The following CCL21 variants were observed in gnomAD, a reference collection of about 807,000 sequenced individuals.
CCL21 encodes C-C motif chemokine 21.
Under a neutral mutation model 16.4 loss-of-function variants are expected in CCL21, and 12 were observed. The observed-to-expected ratio is 0.73, with a 90% CI of 0.47 to 1.18. CCL21 has a LOEUF of 1.18. Among genes scored for constraint, CCL21 ranks in the 50% most tolerant of loss-of-function variants. The pLI, the probability that CCL21 is intolerant of heterozygous loss-of-function variation, is 0.00. For missense variants in CCL21, 155 were observed against 163.8 expected, an observed-to-expected ratio of 0.95 and a Z score of 0.29; for synonymous variants, 64 against 62.1, an observed-to-expected ratio of 1.03 and a Z score of -0.15.
rs766751281 is a variant in CCL21 at position 34,710,045 on chromosome 9, T to C, written c.22A>G (p.Ser8Gly). 1.2e-6 allele frequency: 2 copies of C among 1,613,936 alleles called. No homozygotes were observed. The highest frequency in any genetic ancestry group is 2.2e-5 in the South Asian group (2 of 91,040). The change falls in exon 1 of 4, where the codon AGC (serine) becomes GGC (glycine). Residue 8 changes from serine (S) to glycine (G), a missense_variant. Coordinates refer to ENST00000259607, the MANE Select transcript of CCL21 (RefSeq NM_002989.4). ...AAGGCCAGAACCAGGATAAGGAGGC[T>C]CAGAGCCAGTGACTGAGCCATGTCT... Reference protein sequence around the residue: MAQSLALSLLILVLAFGI... With the variant: MAQSLALGLLILVLAFGI...
At position 34,709,780 on chromosome 9, in the gene CCL21, A is replaced by T. The variant is rs1170851787; in HGVS notation, c.185T>A (p.Ile62Asn). The change falls in exon 2 of 4, where the codon ATC (isoleucine) becomes AAC (asparagine). Residue 62 changes from isoleucine to asparagine, a missense_variant. Ile to Asn is a moderately radical substitution (Grantham distance 149, BLOSUM62 -3). Coordinates refer to ENST00000259607, the MANE Select transcript of CCL21 (RefSeq NM_002989.4). ...EPSLGCSIPAILFLPRKRSQA... is the reference protein window; with the variant it reads ...EPSLGCSIPANLFLPRKRSQA... ...CCACCCCTTTGTGTCCACTCACAGG[A>T]TAGCTGGGATGGAGCAGCCTAAGCT... is the stretch of plus-strand genomic sequence containing the variant. 6.2e-7 allele frequency: 1 copy of T among 1,612,978 alleles called. No homozygotes were observed.
Position 34,709,576 on chromosome 9 carries a change from G to T in CCL21, c.295C>A (p.Pro99Thr). Reference protein sequence around the residue: ...HLDKTPSPQKPAQGCRKDRGA... With the variant: ...HLDKTPSPQKTAQGCRKDRGA... ...CTGTCCTTCCTGCAGCCCTGGGCTG[G>T]TTTCTGTGGGGATGGTGTCTTGTCC... Residue 99 changes from proline (P) to threonine (T), a missense_variant, in exon 3 of 4, where the codon CCA becomes ACA. By Grantham distance (38) the Pro-to-Thr change is conservative. Transcript: ENST00000259607. 1 of 1,614,164 alleles carries T rather than the reference G, an allele frequency of 6.2e-7. No homozygotes were observed. Among genetic ancestry groups the T allele is most frequent in the Non-Finnish European group, 8.5e-7 (1 of 1,180,020 alleles).
chr9:34,709,721 A>G (rs1375225122), intron 2 of CCL21, 39 bp from the exon 3 acceptor site: 6 of 1,613,376 alleles, frequency 3.7e-6, no homozygotes, highest in South Asian at 1.1e-5. Flanking sequence ...AGTCTTGCCC[A>G]CCATGCCCTC....
At position 34,709,644 on chromosome 9, in the gene CCL21, G is replaced by A. The variant is rs956153540; in HGVS notation, c.227C>T (p.Ala76Val). 1 of 1,614,056 alleles carries A rather than the reference G, an allele frequency of 6.2e-7. No homozygotes were observed. Among genetic ancestry groups the A allele is most frequent in the African/African-American group, 1.3e-5 (1 of 74,918 alleles). The part of the protein sequence containing the change: ...PRKRSQAELC[A>V]DPKELWVQQL... ...CTGCACCCAGAGCTCCTTTGGGTCT[G>A]CACATAGCTCTGCCTGAGAGCGCTT... The change falls in exon 3 of 4, where the codon GCA becomes GTA. Residue 76 changes from alanine (A) to valine (V), a missense_variant. Physicochemically the swap from Ala to Val is moderately conservative, Grantham distance 64. Coordinates refer to ENST00000259607, the MANE Select transcript of CCL21 (RefSeq NM_002989.4).
At position 34,709,671 on chromosome 9, in the gene CCL21, C is replaced by T. The variant is rs34598986; in HGVS notation, c.200G>A (p.Arg67His). ...CSIPAILFLP[R>H]KRSQAELCAD... ...ACATAGCTCTGCCTGAGAGCGCTTG[C>T]GGGGCAAGAACCTGCGGGTGGGGGC... The change falls in exon 3 of 4, where the codon CGC becomes CAC. Residue 67 changes from arginine (R) to histidine (H), a missense_variant. By Grantham distance (29) the Arg-to-His change is conservative (BLOSUM62 0). Coordinates refer to ENST00000259607, the MANE Select transcript of CCL21 (RefSeq NM_002989.4). 19 of 1,613,976 alleles carry T rather than the reference C, an allele frequency of 1.2e-5. No individual in the cohort carries two copies. The highest frequency in any genetic ancestry group is 8.0e-5 in the African/African-American group (6 of 75,046).
At position 34,709,475 on chromosome 9, in the gene CCL21, T is replaced by C. The variant is rs758092064; in HGVS notation, c.371+25A>G. 1.9e-6 allele frequency: 3 copies of C among 1,613,734 alleles called. No homozygotes were observed. In the African/African-American group the frequency reaches 4.0e-5, roughly 22 times the overall value. On this transcript the variant is annotated intron_variant, in intron 3 of 3. Coordinates refer to ENST00000259607, the MANE Select transcript of CCL21 (RefSeq NM_002989.4). ...TGAGGGGCTGACTGAGGCTCCCCTT[T>C]ACCCACATCCCTCAGATTCCTCACC...
Position 34,709,346 on chromosome 9 carries a change from C to A in CCL21, c.*48G>T. On this transcript the variant is annotated 3_prime_UTR_variant, in exon 4 of 4. Transcript: ENST00000259607. ...TTGCATCTTGGGTTCAGGCTTCAAG[C>A]GCTGGTGAGGCTGGTGGGGTCTCCA... 6.3e-7 allele frequency: 1 copy of A among 1,599,922 alleles called. No homozygotes were observed. The highest frequency in any genetic ancestry group is 8.5e-7 in the Non-Finnish European group (1 of 1,175,754).
Position 34,710,055 on chromosome 9 carries a change from TGACTGAGCCATGTCTG to T in CCL21, c.-5_11del. ...CCAGGATAAGGAGGCTCAGAGCCAG[TGACTGAGCCATGTCTG>T]TGGTAGAGGGTGAGTAAGAGGCCAG... is the stretch of plus-strand genomic sequence containing the variant. On this transcript the variant is annotated start_lost and 5_prime_UTR_variant, in exon 1 of 4. Transcript: ENST00000259607. 6.2e-7 allele frequency: 1 copy of T among 1,613,692 alleles called. No homozygotes were observed. Among genetic ancestry groups the T allele is most frequent in the African/African-American group, 1.3e-5 (1 of 75,038 alleles).
rs766561697 is a variant in CCL21 at position 34,709,117 on chromosome 9, C to T, written c.*277G>A. 6 of 541,360 alleles carry T rather than the reference C, an allele frequency of 1.1e-5. No homozygotes were observed. Among genetic ancestry groups the T allele is most frequent in the Non-Finnish European group, 6.5e-6 (2 of 308,644 alleles). The allele number at this position is 541,360 out of a possible 1,614,324, so 33.5% of individuals were successfully genotyped here. A position where few individuals can be genotyped will look rare whatever the true frequency, so the allele number is the denominator to read the frequency against. On this transcript the variant is annotated 3_prime_UTR_variant, in exon 4 of 4. Coordinates refer to ENST00000259607, the MANE Select transcript of CCL21 (RefSeq NM_002989.4). ...CAGGTCCAGGGTCCTGATGATTCTC[C>T]TTCAAGGGGACAGTCCTGCTGCCTC...
chr9:34,709,798 C>T lies in CCL21; in HGVS notation c.167G>A (p.Gly56Asp), dbSNP rs774203687. ...RSYRKQEPSL[G>D]CSIPAILFLP... is the part of the protein sequence containing the mutation. ...TCACAGGATAGCTGGGATGGAGCAG[C>T]CTAAGCTTGGTTCCTGCTTCCGGTA... Residue 56 changes from glycine (G) to aspartate (D), a missense_variant, in exon 2 of 4, where the codon GGC (glycine) becomes GAC (aspartate). Coordinates refer to ENST00000259607, the MANE Select transcript of CCL21 (RefSeq NM_002989.4). The T allele has an allele frequency of 6.2e-7, 1 of 1,614,204 alleles. No homozygotes were observed. Among genetic ancestry groups the T allele is most frequent in the South Asian group, 1.1e-5 (1 of 91,086 alleles).
Position 34,709,802 on chromosome 9 carries a change from A to C in CCL21, c.163T>G (p.Leu55Val). 1 of 1,614,176 alleles carries C rather than the reference A, an allele frequency of 6.2e-7. No homozygotes were observed. Among genetic ancestry groups the C allele is most frequent in the Non-Finnish European group, 8.5e-7 (1 of 1,180,026 alleles). ...AGGATAGCTGGGATGGAGCAGCCTA[A>C]GCTTGGTTCCTGCTTCCGGTAGCTG... is the stretch of plus-strand genomic sequence containing the variant. ...VRSYRKQEPSLGCSIPAILFL... is the reference protein window; with the variant it reads ...VRSYRKQEPSVGCSIPAILFL... The change falls in exon 2 of 4, where the codon TTA becomes GTA. Residue 55 changes from leucine to valine, a missense_variant. By Grantham distance (32) the Leu-to-Val change is conservative (BLOSUM62 1). Transcript: ENST00000259607.
Position 34,709,786 on chromosome 9 carries a change from G to T in CCL21, c.179C>A (p.Pro60Gln), listed in dbSNP as rs1371156951. Reference protein sequence around the residue: ...KQEPSLGCSIPAILFLPRKRS... With the variant: ...KQEPSLGCSIQAILFLPRKRS... ...CTTTGTGTCCACTCACAGGATAGCT[G>T]GGATGGAGCAGCCTAAGCTTGGTTC... The change falls in exon 2 of 4, where the codon CCA (proline) becomes CAA (glutamine). Residue 60 changes from proline to glutamine, a missense_variant. Transcript: ENST00000259607. The T allele has an allele frequency of 6.2e-7, 1 of 1,614,114 alleles. No individual in the cohort carries two copies. Among genetic ancestry groups the T allele is most frequent in the South Asian group, 1.1e-5 (1 of 91,070 alleles).
rs755231618 is a variant in CCL21 at position 34,710,069 on chromosome 9, C to G, written c.-3G>C. 1 of 1,613,284 alleles carries G rather than the reference C, an allele frequency of 6.2e-7. No homozygotes were observed. Among genetic ancestry groups the G allele is most frequent in the Non-Finnish European group, 8.5e-7 (1 of 1,179,572 alleles). On this transcript the variant is annotated 5_prime_UTR_variant, in exon 1 of 4. Transcript: ENST00000259607. ...CTCAGAGCCAGTGACTGAGCCATGT[C>G]TGTGGTAGAGGGTGAGTAAGAGGCC...
rs1314964908 is a variant in CCL21, at chr9:34,710,055, T to G, written c.12A>C (p.Ser4=). Residue 4 remains serine (S), a synonymous_variant, in exon 1 of 4, where the codon TCA becomes TCC. Transcript: ENST00000259607. MAQ[S]LALSLLILVL... ...CCAGGATAAGGAGGCTCAGAGCCAG[T>G]GACTGAGCCATGTCTGTGGTAGAGG... is the stretch of plus-strand genomic sequence containing the variant. 9.3e-6 allele frequency: 15 copies of G among 1,613,692 alleles called. No homozygotes were observed. The highest frequency in any genetic ancestry group is 1.3e-5 in the Non-Finnish European group (15 of 1,179,754).
rs1801937 is a variant in CCL21, at chr9:34,709,063, A to C, written c.*331T>G. Reference sequence around the variant, plus strand: ...TTAGGTATAAATCATATTTACAAGGAAGAGGTGGGGTGTACTGGGGAGCCG... The same window carrying C: ...TTAGGTATAAATCATATTTACAAGGCAGAGGTGGGGTGTACTGGGGAGCCG... On this transcript the variant is annotated 3_prime_UTR_variant, in exon 4 of 4. Coordinates refer to ENST00000259607, the MANE Select transcript of CCL21 (RefSeq NM_002989.4). 3,545 of 410,088 alleles carry C rather than the reference A, an allele frequency of 8.6e-3. 126 individuals carry two copies. Among genetic ancestry groups the C allele is most frequent in the African/African-American group, 0.067 (3,245 of 48,298 alleles). 25.4% of individuals were successfully genotyped at this position (410,088 alleles called of 1,614,324 possible).
chr9:34,709,545 GC>G lies in CCL21; in HGVS notation c.325del (p.Ala109ProfsTer89), dbSNP rs777471870. 1 of 1,614,106 alleles carries G rather than the reference GC, an allele frequency of 6.2e-7. No homozygotes were observed. Among genetic ancestry groups the G allele is most frequent in the South Asian group, 1.1e-5 (1 of 91,078 alleles). The stretch of plus-strand genomic sequence containing the variant: ...CTTTCCTTTCTTGCCAGTCTTGGAG[GC>G]CCCCCTGTCCTTCCTGCAGCCCTGG... ...PAQGCRKDRGASKTGKKGKGS... is the reference protein window; with the variant it reads ...PAQGCRKDRGXSKTGKKGKGS... On this transcript the variant is annotated frameshift_variant, in exon 3 of 4. Coordinates refer to ENST00000259607, the MANE Select transcript of CCL21 (RefSeq NM_002989.4). LOFTEE classifies it high-confidence loss of function.
In CCL21 at chr9:34,709,896, G is replaced by A. The variant is rs1324479687; in HGVS notation, c.69C>T (p.Gly23=). ...AACAGTCCTGAGCCCCTCCATCACT[G>A]CCTGCAGGGTGGGATTCACAGGGAG... ...VLAFGIPRTQ[G]SDGGAQDCCL... The change falls in exon 2 of 4, where the codon GGC becomes GGT. Residue 23 remains glycine (G), a splice_region_variant and synonymous_variant. Transcript: ENST00000259607. 6.2e-7 allele frequency: 1 copy of A among 1,614,190 alleles called. No homozygotes were observed. Among genetic ancestry groups the A allele is most frequent in the Non-Finnish European group, 8.5e-7 (1 of 1,180,024 alleles).
In CCL21 at chr9:34,709,819, C is replaced by T. The variant is rs760414514; in HGVS notation, c.146G>A (p.Arg49Gln). 14 of 1,614,082 alleles carry T rather than the reference C, an allele frequency of 8.7e-6. No homozygotes were observed. The highest frequency in any genetic ancestry group is 2.2e-5 in the East Asian group (1 of 44,898). ...GCAGCCTAAGCTTGGTTCCTGCTTCCGGTAGCTGCGGACAACCTTGGCGGG... is the reference window on the plus strand; with the variant it reads ...GCAGCCTAAGCTTGGTTCCTGCTTCTGGTAGCTGCGGACAACCTTGGCGGG... ...KIPAKVVRSY[R>Q]KQEPSLGCSI... is the part of the protein sequence containing the mutation. Residue 49 changes from arginine (R) to glutamine (Q), a missense_variant, in exon 2 of 4, where the codon CGG becomes CAG. By Grantham distance (43) the Arg-to-Gln change is conservative. Coordinates refer to ENST00000259607, the MANE Select transcript of CCL21 (RefSeq NM_002989.4).
At position 34,709,841 on chromosome 9, in the gene CCL21, C is replaced by A. The variant is rs142482921; in HGVS notation, c.124G>T (p.Ala42Ser). 111 of 1,614,090 alleles carry A rather than the reference C, an allele frequency of 6.9e-5. No homozygotes were observed. Among genetic ancestry groups the A allele is most frequent in the Non-Finnish European group, 9.3e-5 (110 of 1,180,042 alleles). ...TTCCGGTAGCTGCGGACAACCTTGGCGGGAATCTTCCTTTGGCTGTACTTG... is the reference window on the plus strand; with the variant it reads ...TTCCGGTAGCTGCGGACAACCTTGGAGGGAATCTTCCTTTGGCTGTACTTG... Reference protein sequence around the residue: ...CLKYSQRKIPAKVVRSYRKQE... With the variant: ...CLKYSQRKIPSKVVRSYRKQE... Residue 42 changes from alanine (A) to serine (S), a missense_variant, in exon 2 of 4, where the codon GCC (alanine) becomes TCC (serine). Ala to Ser is a moderately conservative substitution (Grantham distance 99). Coordinates refer to ENST00000259607, the MANE Select transcript of CCL21 (RefSeq NM_002989.4).
Sources: gnomAD v4.1 joint callset for allele counts on GRCh38, gnomAD v4.1.1 for gene constraint, MANE v1.5 for transcripts, NCBI Gene and HGNC (gene_info 2026-07-23, HGNC 2026-07-21) for gene names.